The following CRIM1 variants were observed in gnomAD, a reference collection of about 807,000 sequenced individuals.
CRIM1 encodes cysteine rich transmembrane BMP regulator 1.
In CRIM1, 32 loss-of-function variants were observed where a neutral mutation model predicts 116.4. The observed-to-expected ratio is 0.27, with a 90% CI of 0.21 to 0.37. The LOEUF is 0.37. Ranked by LOEUF, CRIM1 falls within the 10% of genes least tolerant of loss-of-function variation. The probability of loss-of-function intolerance (pLI) is 1.00; values close to 1 mark genes in which losing one functional copy is unlikely to be tolerated. For synonymous variants in CRIM1, 590 were observed against 509.2 expected (o/e 1.16, Z -2.13); for missense variants, 1,331 against 1,354.8 (o/e 0.98, Z 0.28).
At chr2:36,405,298 A>T (rs1190007700) in intron 2 of CRIM1, among the ~76,000 whole-genome samples, 1 of 152,118 alleles carries the variant, frequency 6.6e-6, no homozygotes, top group Non-Finnish European at 1.5e-5. Flanking sequence ...TTTCCTCTTA[A>T]TGTTCCTGCC....
chr2:36,539,805 C>T (rs1666821876), intron 14 of CRIM1, among the ~76,000 whole-genome samples: 1 of 152,106 alleles, frequency 6.6e-6, no homozygotes, highest in African/African-American at 2.4e-5. Context: ...TTGAAATAGT[C>T]ATTCAGCATC....
chr2:36,535,464 T>A (rs907958407), intron 13 of CRIM1, among the ~76,000 whole-genome samples: 3 of 152,220 alleles, frequency 2.0e-5, no homozygotes, highest in Admixed American at 6.5e-5. Flanking sequence ...CTGTGGAGCA[T>A]CTACAAACAT....
At chr2:36,388,297 T>G (rs1671323437) in intron 1 of CRIM1, among the ~76,000 whole-genome samples, 14 of 152,214 alleles carry the variant, frequency 9.2e-5, no homozygotes, top group Admixed American at 9.2e-4. Flanking sequence ...TTTATTACAT[T>G]AAAAGACCTT....
Position 36,544,391 on chromosome 2 carries a change from A to G in CRIM1, c.2639A>G (p.Glu880Gly). The G allele has an allele frequency of 7.2e-7, 1 of 1,383,206 alleles. No homozygotes were observed. The highest frequency in any genetic ancestry group is 9.4e-7 in the Non-Finnish European group (1 of 1,060,082). 85.7% of individuals were successfully genotyped at this position (1,383,206 alleles called of 1,614,324 possible). A position where few individuals can be genotyped will look rare whatever the true frequency, so the allele number is the denominator to read the frequency against. The change falls in exon 15 of 17, where the codon GAA becomes GGA. Residue 880 changes from glutamate (E) to glycine (G), a missense_variant. Around this residue, in one of 3 missense-constraint regions of CRIM1, gnomAD observed 283 missense variants for 242.8 expected, o/e 1.17. Coordinates refer to ENST00000280527, the MANE Select transcript of CRIM1 (RefSeq NM_016441.3). The part of the protein sequence containing the change: ...CPMCPEMYVP[E>G]PTNIPIEKTN... ...CTTCTTTTAGAAATGTATGTCCCAG[A>G]ACCAACCAATATACCCATTGAGAAG...
At chr2:36,361,591 C>T (rs1669227676) in intron 1 of CRIM1, among the ~76,000 whole-genome samples, 1 of 152,164 alleles carries the variant, frequency 6.6e-6, no homozygotes, top group Admixed American at 6.5e-5. Context: ...TTGAATTCAT[C>T]TTAGCACAAG....
chr2:36,448,006 A>G (rs1368875570), intron 4 of CRIM1, among the ~76,000 whole-genome samples: 3 of 152,178 alleles, frequency 2.0e-5, no homozygotes, highest in African/African-American at 4.8e-5. Flanking sequence ...AGGAGCAGAC[A>G]CGTGATTTAA....
At chr2:36,496,992 A>G (rs756385998) in intron 7 of CRIM1, among the ~76,000 whole-genome samples, 1 of 152,234 alleles carries the variant, frequency 6.6e-6, no homozygotes, top group Non-Finnish European at 1.5e-5. Context: ...GGATTCTCTA[A>G]GCAAATCCCT....
At chr2:36,367,980 A>T (rs1669704629) in intron 1 of CRIM1, among the ~76,000 whole-genome samples, 1 of 152,228 alleles carries the variant, frequency 6.6e-6, no homozygotes, top group Non-Finnish European at 1.5e-5. Flanking sequence ...TAGAGCGAAG[A>T]CAGGCCAAAA....
chr2:36,493,907 G>T (rs750365247), intron 7 of CRIM1, among the ~76,000 whole-genome samples: 3 of 152,052 alleles, frequency 2.0e-5, no homozygotes, highest in Non-Finnish European at 4.4e-5. Flanking sequence ...CATTTTTATT[G>T]TTCTCCCAGA....
intron 1 of CRIM1, among the ~76,000 whole-genome samples, chr2:36,394,475 A>G (rs913162547): frequency 7.9e-5 from 12 of 152,056 alleles, no homozygotes; most frequent in Non-Finnish European, 1.5e-4. Flanking sequence ...GAATTTTTTC[A>G]ATATGGTGTT....
intron 8 of CRIM1, among the ~76,000 whole-genome samples, chr2:36,504,494 T>C (rs1015415600): frequency 7.9e-5 from 12 of 152,236 alleles, no homozygotes; most frequent in African/African-American, 2.9e-4. Context: ...AATTCTTTCA[T>C]TTGAACATAA....
chr2:36,539,175 G>C (rs552281095), intron 14 of CRIM1, among the ~76,000 whole-genome samples: 26 of 152,172 alleles, frequency 1.7e-4, no homozygotes, highest in African/African-American at 6.3e-4. Context: ...AGGTTGTTTT[G>C]TATTATGTAG....
chr2:36,427,570 T>A (rs1312209141), intron 2 of CRIM1, among the ~76,000 whole-genome samples: 1 of 152,186 alleles, frequency 6.6e-6, no homozygotes, highest in Non-Finnish European at 1.5e-5. Flanking sequence ...CCATCTTTCA[T>A]GTTGAGACAC....
intron 2 of CRIM1, among the ~76,000 whole-genome samples, chr2:36,421,990 T>C (rs1182212074): frequency 6.6e-6 from 1 of 152,052 alleles, no homozygotes; most frequent in Non-Finnish European, 1.5e-5. Context: ...GAATTCTATT[T>C]TTGCTAAAAC....
intron 2 of CRIM1, among the ~76,000 whole-genome samples, chr2:36,432,293 C>G (rs1346303948): frequency 2.6e-5 from 4 of 151,978 alleles, no homozygotes; most frequent in Admixed American, 1.3e-4. Flanking sequence ...TCTAAACCAT[C>G]CTTAGGCCTT....
At chr2:36,464,069 CAG>C (rs1677798714) in intron 4 of CRIM1, among the ~76,000 whole-genome samples, 1 of 152,086 alleles carries the variant, frequency 6.6e-6, no homozygotes, top group African/African-American at 2.4e-5. Flanking sequence ...AACCAGGAGT[CAG>C]AAAATCTCTG....
chr2:36,462,819 T>G (rs958189408), intron 4 of CRIM1, among the ~76,000 whole-genome samples: 2 of 152,206 alleles, frequency 1.3e-5, no homozygotes, highest in South Asian at 2.1e-4. Flanking sequence ...AATGTTACTG[T>G]TATATCACAG....
At chr2:36,541,456 G>C (rs1292570606) in intron 14 of CRIM1, among the ~76,000 whole-genome samples, 1 of 152,158 alleles carries the variant, frequency 6.6e-6, no homozygotes, top group African/African-American at 2.4e-5. Flanking sequence ...CTCAGGAAAG[G>C]TAAGAGGGTT....
At chr2:36,374,062 G>C (rs1216147799) in intron 1 of CRIM1, among the ~76,000 whole-genome samples, 2 of 152,176 alleles carry the variant, frequency 1.3e-5, no homozygotes, top group Admixed American at 6.5e-5. Context: ...CACCTACCAG[G>C]TTTATAGTTG....
Sources: allele counts gnomAD v4.1 joint callset (sites outside exome capture counted in the v4.1 genomes callset), GRCh38; gene constraint gnomAD v4.1.1; regional missense constraint gnomAD v4.1.1; transcripts MANE v1.5; gene names NCBI Gene and HGNC (gene_info 2026-07-23, HGNC 2026-07-21).